Variants in SFMBT2 observed in about 807,000 individuals in gnomAD.
The protein encoded by SFMBT2 is Scm like with four mbt domains 2.
In SFMBT2, 38 loss-of-function variants were observed where a neutral mutation model predicts 110.1. The observed-to-expected ratio is 0.35, with a 90% CI of 0.27 to 0.45. The LOEUF (loss-of-function observed/expected upper bound fraction) is 0.45, where lower values mean the gene tolerates loss of function less well. Ranked by LOEUF, SFMBT2 falls within the 20% of genes least tolerant of loss-of-function variation. SFMBT2 has a pLI of 1.00. For missense variants in SFMBT2, 1,011 were observed against 1,094.9 expected, an observed-to-expected ratio of 0.92 and a Z score of 1.08; for synonymous variants, 425 against 425.4, an observed-to-expected ratio of 1.00 and a Z score of 0.01.
At chr10:7,234,910 A>G (rs1021793465) in intron 9 of SFMBT2, among the ~76,000 whole-genome samples, 1 of 152,218 alleles carries the variant, frequency 6.6e-6, no homozygotes, top group African/African-American at 2.4e-5. Context: ...CGAGGCTACT[A>G]TCTACAGCTG....
At position 7,170,796 on chromosome 10, in the gene SFMBT2, T is replaced by A. The variant is rs1296170511; in HGVS notation, c.2544+132A>T. ...AGCAGGGGCCTTGGAGGGAGAAGGG[T>A]CTCGCACACCTGCCGAGCAGCGCCG... On this transcript the variant is annotated intron_variant, in intron 20 of 20. Transcript: ENST00000397167. The surrounding 1 kb of genome is among the most constrained non-coding windows in gnomAD (Gnocchi z 4.6). 9.6e-7 allele frequency: 1 copy of A among 1,041,960 alleles called. No homozygotes were observed. The highest frequency in any genetic ancestry group is 1.4e-6 in the Non-Finnish European group (1 of 710,548). 64.5% of individuals were successfully genotyped at this position (1,041,960 alleles called of 1,614,324 possible).
intron 13 of SFMBT2, 110 bp downstream of exon 13, chr10:7,202,370 G>T (rs1838982410): frequency 2.3e-6 from 3 of 1,324,088 alleles, no homozygotes; most frequent in East Asian, 4.6e-5. Context: ...CTCTACTAGG[G>T]TGCTATTTGT....
At chr10:7,392,035 C>T (rs1397517278) in intron 1 of SFMBT2, among the ~76,000 whole-genome samples, 1 of 152,116 alleles carries the variant, frequency 6.6e-6, no homozygotes, top group African/African-American at 2.4e-5. Context: ...GTCAGAAATC[C>T]TACATCTCTG....
intron 4 of SFMBT2, among the ~76,000 whole-genome samples, chr10:7,326,621 A>G (rs903650662): frequency 6.6e-6 from 1 of 152,244 alleles, no homozygotes; most frequent in African/African-American, 2.4e-5. Flanking sequence ...AGCCATTTAC[A>G]TTGTCTCAAA....
upstream of SFMBT2, chr10:7,411,256 G>C (rs75450431): frequency 0.022 from 3,376 of 152,048 alleles, 56 homozygotes; most frequent in Middle Eastern, 0.041. Context: ...AAGCAGGCGG[G>C]CACCCCCAGG....
At chr10:7,406,819 G>A (rs1846223702) in intron 1 of SFMBT2, among the ~76,000 whole-genome samples, 1 of 152,188 alleles carries the variant, frequency 6.6e-6, no homozygotes, top group Non-Finnish European at 1.5e-5. Flanking sequence ...ACCTCAGCAG[G>A]CCTCCACCGG....
chr10:7,319,033 C>G (rs558732528), intron 4 of SFMBT2, among the ~76,000 whole-genome samples: 1 of 152,176 alleles, frequency 6.6e-6, no homozygotes, highest in African/African-American at 2.4e-5. Flanking sequence ...CAGGGCCACA[C>G]GAGGGATCGC....
chr10:7,384,079 C>T lies in SFMBT2; in HGVS notation c.-51-2130G>A, dbSNP rs545681145. Among the ~76,000 whole-genome samples, 14 of 151,944 alleles carry T rather than the reference C, an allele frequency of 9.2e-5. No homozygotes were observed. The South Asian group carries it at 2.5e-3, about 27-fold the overall frequency. ...TACAAAAATTAGCCAGGCATGGTGG[C>T]ACATGTCTGTAATCCCAGCTACTCG... On this transcript the variant is annotated intron_variant, in intron 1 of 20. Transcript: ENST00000397167.
intron 4 of SFMBT2, among the ~76,000 whole-genome samples, chr10:7,357,226 G>A (rs998011938): frequency 2.0e-5 from 3 of 152,218 alleles, no homozygotes; most frequent in Middle Eastern, 3.4e-3. Context: ...GCCTGGCAGG[G>A]TTAATTTTAT....
chr10:7,261,087 T>G (rs549883269), intron 7 of SFMBT2, among the ~76,000 whole-genome samples: 2 of 152,238 alleles, frequency 1.3e-5, no homozygotes, highest in East Asian at 3.9e-4. Flanking sequence ...ACTTAACCAG[T>G]AAGACTCCTG....
chr10:7,320,010 GA>G (rs1224890047), intron 4 of SFMBT2, among the ~76,000 whole-genome samples: 1 of 151,502 alleles, frequency 6.6e-6, no homozygotes, highest in East Asian at 2.0e-4. Context: ...GGGAGACAGA[GA>G]AGGAGAGAGA....
chr10:7,194,994 C>T (rs1168803264), intron 15 of SFMBT2, among the ~76,000 whole-genome samples: 3 of 152,214 alleles, frequency 2.0e-5, no homozygotes, highest in Non-Finnish European at 4.4e-5. Context: ...CAACGGAACA[C>T]GTCACGTGAA....
intron 16 of SFMBT2, among the ~76,000 whole-genome samples, chr10:7,179,365 T>C (rs1213648419): frequency 1.4e-5 from 2 of 148,022 alleles, no homozygotes; most frequent in Non-Finnish European, 3.0e-5. Flanking sequence ...GGGGCGGTTC[T>C]TGCTTATTGC....
chr10:7,325,350 A>C (rs779838343), intron 4 of SFMBT2, among the ~76,000 whole-genome samples: 2 of 152,118 alleles, frequency 1.3e-5, no homozygotes, highest in African/African-American at 2.4e-5. Flanking sequence ...TCAGGCCATA[A>C]CCAATATTAA....
chr10:7,241,275 G>A, intron 9 of SFMBT2: 1 of 929,708 alleles, frequency 1.1e-6, no homozygotes, highest in Non-Finnish European at 1.3e-6. Context: ...GTCTTTATGA[G>A]CAGCATGAGA....
intron 4 of SFMBT2, among the ~76,000 whole-genome samples, chr10:7,344,001 C>T (rs1420223780): frequency 6.6e-6 from 1 of 152,116 alleles, no homozygotes; most frequent in African/African-American, 2.4e-5. Flanking sequence ...GATCATAGGC[C>T]AATTCACAAT....
At chr10:7,246,040 A>G (rs1317732636) in intron 8 of SFMBT2, 1 of 298,436 alleles carries the variant, frequency 3.4e-6, no homozygotes, top group Non-Finnish European at 5.0e-6. Flanking sequence ...ACCTCATTAC[A>G]TGAAGATGAG....
chr10:7,310,256 T>A (rs910726310), intron 4 of SFMBT2, among the ~76,000 whole-genome samples: 1 of 152,244 alleles, frequency 6.6e-6, no homozygotes, highest in African/African-American at 2.4e-5. Flanking sequence ...CACATCATGC[T>A]GTCCCACGCC....
chr10:7,242,580 A>G (rs1454987336), intron 9 of SFMBT2, among the ~76,000 whole-genome samples: 1 of 152,240 alleles, frequency 6.6e-6, no homozygotes, highest in African/African-American at 2.4e-5. Context: ...TTTAACCCAA[A>G]GAGTTGAAAG....
Sources: gnomAD v4.1 joint callset for allele counts (sites outside exome capture counted in the v4.1 genomes callset) on GRCh38, gnomAD v4.1.1 for gene constraint, Gnocchi (gnomAD v3.1) non-coding constraint, MANE v1.5 for transcripts, NCBI Gene and HGNC (gene_info 2026-07-23, HGNC 2026-07-21) for gene names.